Variants in ZNF516 observed in about 807,000 individuals in gnomAD.
ZNF516 encodes zinc finger protein 516.
A neutral mutation model predicts 79.7 loss-of-function variants in ZNF516; 19 were observed. The ratio of observed to expected loss-of-function variants is 0.24; its 90% CI spans 0.17 to 0.35. The LOEUF (loss-of-function observed/expected upper bound fraction) is 0.35. Ranked by LOEUF, ZNF516 falls within the 10% of genes least tolerant of loss-of-function variation. The pLI, the probability that ZNF516 is intolerant of heterozygous loss-of-function variation, is 1.00. For synonymous variants in ZNF516, 877 were observed against 739.5 expected (o/e 1.19, Z -3.02); for missense variants, 1,678 against 1,679.5 (o/e 1.00, Z 0.02).
intron 3 of ZNF516, among the ~76,000 whole-genome samples, chr18:76,401,216 A>C (rs977397067): frequency 3.3e-5 from 5 of 150,560 alleles, no homozygotes; most frequent in Non-Finnish European, 1.5e-5. Flanking sequence ...AAATGGGTTA[A>C]GTTTTGTTCT....
chr18:76,402,471 C>T lies in ZNF516; in HGVS notation c.1811-22168G>A, dbSNP rs543161490. Among the ~76,000 whole-genome samples the T allele has an allele frequency of 1.8e-4, 28 of 152,240 alleles. No homozygotes were observed. The South Asian group carries it at 1.9e-3, about 10-fold the overall frequency. On this transcript the variant is annotated intron_variant, in intron 3 of 6. Transcript: ENST00000443185. Reference sequence around the variant, plus strand: ...GAACCCGGACCTGTGTGACCTGTGACCCCCTCTGCCACCCACGTGACAGGA... The same window carrying T: ...GAACCCGGACCTGTGTGACCTGTGATCCCCTCTGCCACCCACGTGACAGGA...
intron 2 of ZNF516, among the ~76,000 whole-genome samples, chr18:76,462,092 T>A (rs1599128577): frequency 6.6e-6 from 1 of 152,190 alleles, no homozygotes; most frequent in Admixed American, 6.5e-5. Context: ...GCATCTACCT[T>A]TTTTTCAAAG....
At position 76,441,572 on chromosome 18, in the gene ZNF516, G is replaced by A. The variant is rs757007970; in HGVS notation, c.1483C>T (p.Pro495Ser). The A allele has an allele frequency of 3.4e-6, 5 of 1,461,024 alleles. No homozygotes were observed. The highest frequency in any genetic ancestry group is 1.5e-5 in the African/African-American group (1 of 66,842). 90.5% of individuals were successfully genotyped at this position (1,461,024 alleles called of 1,614,324 possible). A position where few individuals can be genotyped will look rare whatever the true frequency, so the allele number is the denominator to read the frequency against. The change falls in exon 3 of 7, where the codon CCC (proline) becomes TCC (serine). Residue 495 changes from proline (P) to serine (S), a missense_variant. Physicochemically the swap from Pro to Ser is moderately conservative, Grantham distance 74. Transcript: ENST00000443185. ...CGGTTGGGGCGCGCGGCCGAGCGGG[G>A]ATCGAGGTGGCCGGCGGGCGCGGGG... ...GDPAPAGHLDPRSAARPNRRA... is the reference protein window; with the variant it reads ...GDPAPAGHLDSRSAARPNRRA...
At position 76,359,183 on chromosome 18, in the gene ZNF516, C is replaced by A. The variant is rs2074496854; in HGVS notation, c.*3315G>T. 6.6e-6 allele frequency: 1 copy of A among 152,230 alleles called. No homozygotes were observed. The highest frequency in any genetic ancestry group is 6.5e-5 in the Admixed American group (1 of 15,280). The allele number at this position is 152,230 out of a possible 1,614,324, so 9.4% of individuals were successfully genotyped here. A position where few individuals can be genotyped will look rare whatever the true frequency, so the allele number is the denominator to read the frequency against. On this transcript the variant is annotated 3_prime_UTR_variant, in exon 7 of 7. Transcript: ENST00000443185. ...AACTCCCAATTGCTACTTCCTGAAG[C>A]ACCTGCTTTTCAGGGAACCAGTGTC...
chr18:76,436,712 C>T (rs1231955181), intron 3 of ZNF516, among the ~76,000 whole-genome samples: 5 of 152,064 alleles, frequency 3.3e-5, no homozygotes, highest in Admixed American at 2.0e-4. Flanking sequence ...CCCAGCTCAC[C>T]CCCTCATTCC....
chr18:76,465,555 A>C (rs1024105533), intron 1 of ZNF516, among the ~76,000 whole-genome samples: 6 of 152,230 alleles, frequency 3.9e-5, no homozygotes, highest in Non-Finnish European at 7.3e-5. Flanking sequence ...CAGATGTATT[A>C]ACCAGTAACA....
intron 3 of ZNF516, among the ~76,000 whole-genome samples, chr18:76,419,485 T>C (rs2075479041): frequency 6.6e-6 from 1 of 152,180 alleles, no homozygotes. Context: ...ATAAAATACT[T>C]CAATTTCACA....
chr18:76,422,026 AT>A (rs1443655786), intron 3 of ZNF516, among the ~76,000 whole-genome samples: 1 of 152,210 alleles, frequency 6.6e-6, no homozygotes, highest in Non-Finnish European at 1.5e-5. Context: ...AGTGAGTATT[AT>A]CGTTATTTTA....
rs202204200 is a variant in ZNF516 at position 76,474,137 on chromosome 18, GACAA to G, written c.-271-11000_-271-10997del. On this transcript the variant is annotated intron_variant, in intron 1 of 6. Coordinates refer to ENST00000443185, the MANE Select transcript of ZNF516 (RefSeq NM_014643.4). ...AACAGCTACAGTGAATACCTGAAAA[GACAA>G]ACAGAGAAAAATGATCTGGAAGAAT... 7.1e-3 allele frequency among the ~76,000 whole-genome samples: 1,085 copies of G among 152,198 alleles called. 16 individuals are homozygous for G. The highest frequency in any genetic ancestry group is 0.025 in the African/African-American group (1,057 of 41,512).
intron 3 of ZNF516, among the ~76,000 whole-genome samples, chr18:76,392,145 G>C (rs952266372): frequency 6.6e-6 from 1 of 152,188 alleles, no homozygotes; most frequent in African/African-American, 2.4e-5. Flanking sequence ...TACGGCCAAG[G>C]GACAGGCCTT....
chr18:76,473,908 G>T (rs948351184), intron 1 of ZNF516, among the ~76,000 whole-genome samples: 47 of 145,774 alleles, frequency 3.2e-4, no homozygotes, highest in South Asian at 1.1e-3. Context: ...TTGTGTGGGG[G>T]GGGGGGGGGC....
intron 6 of ZNF516, among the ~76,000 whole-genome samples, chr18:76,367,675 T>C (rs600558): frequency 0.85 from 129,447 of 152,182 alleles, 56,772 homozygotes; most frequent in Non-Finnish European, 0.96. Flanking sequence ...GCCCTTCCCA[T>C]GTCACAGCGC....
chr18:76,371,514 C>A lies in ZNF516; in HGVS notation c.3317G>T (p.Ser1106Ile). 6.2e-7 allele frequency: 1 copy of A among 1,610,734 alleles called. No homozygotes were observed. The change falls in exon 5 of 7, where the codon AGC becomes ATC. Residue 1106 changes from serine (S) to isoleucine (I), a missense_variant. Ser to Ile is a moderately radical substitution (Grantham distance 142). Coordinates refer to ENST00000443185, the MANE Select transcript of ZNF516 (RefSeq NM_014643.4). ...GEFVCIECGK[S>I]FHQPGHLRAH... ...CCTGAGGTGGCCGGGCTGGTGGAAGCTCTTTCCGCACTCGATGCAGACGAA... is the reference window on the plus strand; with the variant it reads ...CCTGAGGTGGCCGGGCTGGTGGAAGATCTTTCCGCACTCGATGCAGACGAA...
intron 3 of ZNF516, among the ~76,000 whole-genome samples, chr18:76,409,855 T>C (rs952227210): frequency 3.9e-5 from 6 of 152,256 alleles, no homozygotes; most frequent in Non-Finnish European, 8.8e-5. Context: ...CCCACCCAAA[T>C]CTCACCTTGA....
intron 1 of ZNF516, chr18:76,490,778 T>G (rs1022512570): frequency 6.1e-6 from 6 of 985,340 alleles, no homozygotes; most frequent in African/African-American, 5.2e-5. Context: ...CTTTTGTGAC[T>G]TGCTGGTTAA....
intron 3 of ZNF516, among the ~76,000 whole-genome samples, chr18:76,391,464 C>A (rs945562284): frequency 3.3e-5 from 5 of 152,108 alleles, no homozygotes; most frequent in Non-Finnish European, 7.4e-5. Flanking sequence ...CTAACCCTAA[C>A]CCCTTACCCA....
chr18:76,373,227 G>GAGAGGAGGGA (rs1306809858), intron 4 of ZNF516, among the ~76,000 whole-genome samples: 6 of 150,824 alleles, frequency 4.0e-5, no homozygotes, highest in African/African-American at 7.3e-5. Context: ...GAAAAGAGGA[G>GAGAGGAGGGA]AGAGGAGGGA....
At position 76,441,664 on chromosome 18, in the gene ZNF516, C is replaced by T. The variant is rs867083743; in HGVS notation, c.1391G>A (p.Arg464His). The T allele has an allele frequency of 6.5e-7, 1 of 1,549,198 alleles. No homozygotes were observed. The highest frequency in any genetic ancestry group is 1.9e-5 in the Admixed American group (1 of 52,198). The change falls in exon 3 of 7, where the codon CGC (arginine) becomes CAC (histidine). Residue 464 changes from arginine to histidine, a missense_variant. Physicochemically the swap from Arg to His is conservative, Grantham distance 29 (BLOSUM62 0). This residue lies in a region of ZNF516 where 1,294 missense variants were observed against 1,248.3 expected (regional missense o/e 1.04). Transcript: ENST00000443185. The part of the protein sequence containing the change: ...REYVLVSQEK[R>H]KREQDAPAAQ... ...GGCTGGTGCATCCTGCTCACGCTTG[C>T]GCTTCTCCTGGCTCACCAGGACGTA...
chr18:76,375,262 A>G (rs1051518901), intron 4 of ZNF516, among the ~76,000 whole-genome samples: 15 of 152,250 alleles, frequency 9.9e-5, no homozygotes, highest in Admixed American at 9.8e-4. Flanking sequence ...GGAAGGTCCC[A>G]GAGACCAAAT....
Sources: allele counts gnomAD v4.1 joint callset (sites outside exome capture counted in the v4.1 genomes callset), GRCh38; gene constraint gnomAD v4.1.1; regional missense constraint gnomAD v4.1.1; transcripts MANE v1.5; gene names NCBI Gene and HGNC (gene_info 2026-07-23, HGNC 2026-07-21).